NBR1: variants seen among roughly 807,000 people sequenced by gnomAD.
The protein encoded by NBR1 is next to BRCA1 gene 1 protein.
NBR1 carries 59 observed loss-of-function variants against 115.5 expected under a neutral mutation model. The ratio of observed to expected loss-of-function variants is 0.51; its 90% CI spans 0.41 to 0.63. The LOEUF is 0.63. NBR1 is among the 30% of genes least tolerant of loss of function. The pLI, the probability that NBR1 is intolerant of heterozygous loss-of-function variation, is 0.00. For synonymous variants in NBR1, 373 were observed against 414.7 expected (o/e 0.90, Z 1.22); for missense variants, 1,043 against 1,150.5 (o/e 0.91, Z 1.35).
In NBR1 at chr17:43,203,712, C is replaced by CT; in HGVS notation, c.2654dup (p.Val886GlyfsTer29). On this transcript the variant is annotated frameshift_variant, in exon 20 of 21. Transcript: ENST00000590996. LOFTEE classifies it high-confidence loss of function. ...TCATGGGAGCAGCATTGCTGGAGGA[C>CT]TGGTGAAGGGGGCTTTGTCTGTTGC... 1 of 1,610,486 alleles carries CT rather than the reference C, an allele frequency of 6.2e-7. No homozygotes were observed. Among genetic ancestry groups the CT allele is most frequent in the Non-Finnish European group, 8.5e-7 (1 of 1,178,162 alleles).
At chr17:43,182,411 A>G (rs1057197009) in intron 5 of NBR1, among the ~76,000 whole-genome samples, 5 of 150,882 alleles carry the variant, frequency 3.3e-5, no homozygotes, top group African/African-American at 1.2e-4. Flanking sequence ...TAGTAGAGAC[A>G]GGGTTTCGCC....
chr17:43,195,254 G>T, intron 14 of NBR1: 1 of 526,864 alleles, frequency 1.9e-6, no homozygotes, highest in South Asian at 2.3e-5. Context: ...TATAATCCCA[G>T]CTCTTTGGGA....
chr17:43,194,781 T>C (rs3744242), intron 13 of NBR1, 183 bp from the exon 14 acceptor site: 211,647 of 625,506 alleles, frequency 0.34, 37,516 homozygotes, highest in South Asian at 0.5. Flanking sequence ...ATTTTCTCTT[T>C]CCTGCTATTG....
chr17:43,181,534 C>T (rs888018410), intron 5 of NBR1, among the ~76,000 whole-genome samples: 2 of 130,398 alleles, frequency 1.5e-5, no homozygotes, highest in Admixed American at 8.2e-5. Context: ...CGGGCGTGGG[C>T]GGGTGCCTGT....
At position 43,196,514 on chromosome 17, in the gene NBR1, A is replaced by G; in HGVS notation, c.1784A>G (p.Asp595Gly). Residue 595 changes from aspartate to glycine, a missense_variant, in exon 15 of 21, where the codon GAC becomes GGC. Transcript: ENST00000590996. ...CCCTGCATGTCTCCTCTGCCACATG[A>G]CAGTCCTTTAATAGAGAAGCCAGGC... ...VTPCMSPLPH[D>G]SPLIEKPGLG... 11 of 1,600,064 alleles carry G rather than the reference A, an allele frequency of 6.9e-6. No individual in the cohort carries two copies. The highest frequency in any genetic ancestry group is 9.4e-6 in the Non-Finnish European group (11 of 1,175,572).
rs1260258357 is a variant in NBR1 at position 43,202,684 on chromosome 17, A to T, written c.2593A>T (p.Ser865Cys). 6.3e-7 allele frequency: 1 copy of T among 1,577,450 alleles called. No individual in the cohort carries two copies. The highest frequency in any genetic ancestry group is 1.8e-5 in the Admixed American group (1 of 54,414). Residue 865 changes from serine (S) to cysteine (C), a missense_variant, in exon 19 of 21, where the codon AGC becomes TGC. Transcript: ENST00000590996. ...CAGAGGCTCATCAGGACTTGTAAAC[A>T]GCAGACAGAAGAGCTATGACCACTC... is the stretch of plus-strand genomic sequence containing the variant. ...EPRGSSGLVNSRQKSYDHSRH... is the reference protein window; with the variant it reads ...EPRGSSGLVNCRQKSYDHSRH...
chr17:43,187,396 G>C (rs189185140), intron 6 of NBR1, among the ~76,000 whole-genome samples: 3 of 151,906 alleles, frequency 2.0e-5, no homozygotes, highest in African/African-American at 7.3e-5. Flanking sequence ...TAGCCAGGAT[G>C]GTCTCGATCT....
chr17:43,188,774 C>T (rs1313793969), intron 6 of NBR1, among the ~76,000 whole-genome samples: 2 of 152,082 alleles, frequency 1.3e-5, no homozygotes, highest in African/African-American at 4.8e-5. Flanking sequence ...TTCTCATTGT[C>T]TTTGTTGTAA....
chr17:43,172,112 G>C (rs997283301), intron 1 of NBR1, among the ~76,000 whole-genome samples: 2 of 152,232 alleles, frequency 1.3e-5, no homozygotes, highest in Admixed American at 1.3e-4. Context: ...AGGTGAGTCA[G>C]TGGCATGGAC....
At chr17:43,191,885 T>C (rs555349306) in intron 10 of NBR1, among the ~76,000 whole-genome samples, 15 of 152,056 alleles carry the variant, frequency 9.9e-5, no homozygotes, top group African/African-American at 3.6e-4. Flanking sequence ...CACGCCTGGC[T>C]AATTTTTTGT....
chr17:43,198,849 G>C (rs1011498800), intron 16 of NBR1, among the ~76,000 whole-genome samples: 1 of 151,906 alleles, frequency 6.6e-6, no homozygotes, highest in African/African-American at 2.4e-5. Flanking sequence ...TGTAATCCCA[G>C]CTACTCGGGA....
In NBR1 at chr17:43,191,400, C is replaced by T; in HGVS notation, c.892C>T (p.Leu298Phe). 6.2e-7 allele frequency: 1 copy of T among 1,613,270 alleles called. No individual in the cohort carries two copies. The highest frequency in any genetic ancestry group is 8.5e-7 in the Non-Finnish European group (1 of 1,179,534). The part of the protein sequence containing the change: ...RLQKQVDKNF[L>F]KAEKQRLRAE... ...CCAGAAACAGGTTGATAAGAACTTTCTTAAAGCAGAAAAGCAAAGGTTGCG... is the reference window on the plus strand; with the variant it reads ...CCAGAAACAGGTTGATAAGAACTTTTTTAAAGCAGAAAAGCAAAGGTTGCG... The change falls in exon 10 of 21, where the codon CTT (leucine) becomes TTT (phenylalanine). Residue 298 changes from leucine to phenylalanine, a missense_variant. Transcript: ENST00000590996.
intron 10 of NBR1, among the ~76,000 whole-genome samples, chr17:43,192,018 G>A (rs1170961501): frequency 8.6e-6 from 1 of 116,614 alleles, no homozygotes; most frequent in Admixed American, 1.2e-4. Flanking sequence ...CACAGCACCC[G>A]GCTTTTTTTT....
Position 43,200,168 on chromosome 17 carries a change from G to A in NBR1, c.2028G>A (p.Met676Ile). Residue 676 changes from methionine to isoleucine, a missense_variant and splice_region_variant, in exon 17 of 21, where the codon ATG (methionine) becomes ATA (isoleucine). Transcript: ENST00000590996. ...AAATTGGTTGCTTTCATCCTTTAGT[G>A]ACATTTGCCTTGCCTGAAGGACCAC... Reference protein sequence around the residue: ...NPPCRQKSLQMTFALPEGPLG... With the variant: ...NPPCRQKSLQITFALPEGPLG... The A allele has an allele frequency of 6.5e-7, 1 of 1,542,968 alleles. No homozygotes were observed. The highest frequency in any genetic ancestry group is 8.8e-7 in the Non-Finnish European group (1 of 1,141,196).
Position 43,210,304 on chromosome 17 carries a change from G to T in NBR1, c.*230G>T. The T allele has an allele frequency of 2.5e-6, 1 of 398,062 alleles. No individual in the cohort carries two copies. The highest frequency in any genetic ancestry group is 2.1e-5 in the African/African-American group (1 of 48,700). The allele number at this position is 398,062 out of a possible 1,614,324, so 24.7% of individuals were successfully genotyped here. On this transcript the variant is annotated 3_prime_UTR_variant, in exon 21 of 21. Transcript: ENST00000590996. ...TGAATAGTATGAAGACAGTTTTTCA[G>T]TTGATTTGGATAAAACTATTTTAGT...
At chr17:43,209,504 C>A in intron 20 of NBR1, 1 of 1,406,926 alleles carries the variant, frequency 7.1e-7, no homozygotes, top group Non-Finnish European at 9.7e-7. Context: ...TTCAGTAACA[C>A]TTTTATCTTG....
intron 16 of NBR1, among the ~76,000 whole-genome samples, chr17:43,197,612 C>T (rs1433192671): frequency 6.6e-6 from 1 of 152,122 alleles, no homozygotes; most frequent in African/African-American, 2.4e-5. Context: ...AGTAAAGAAG[C>T]CATCATACTC....
chr17:43,204,566 A>C (rs1007638343), intron 20 of NBR1, among the ~76,000 whole-genome samples: 6 of 152,064 alleles, frequency 3.9e-5, no homozygotes, highest in African/African-American at 1.4e-4. Context: ...CTGTAATCCC[A>C]GCACTTTGGG....
intron 8 of NBR1, 79 bp from the exon 9 acceptor site, chr17:43,190,530 T>C (rs1027815796): frequency 2.7e-6 from 4 of 1,479,622 alleles, no homozygotes; most frequent in African/African-American, 2.8e-5. Context: ...GGAGCAAACA[T>C]AGAAGTATGG....
Sources: gnomAD v4.1 joint callset for allele counts (sites outside exome capture counted in the v4.1 genomes callset) on GRCh38, gnomAD v4.1.1 for gene constraint, MANE v1.5 for transcripts, NCBI Gene and HGNC (gene_info 2026-07-23, HGNC 2026-07-21) for gene names.